The following CD180 variants were observed in gnomAD, a reference collection of about 807,000 sequenced individuals.
The protein encoded by CD180 is CD180 molecule.
Under a neutral mutation model 10.7 loss-of-function variants are expected in CD180, and 11 were observed. The ratio of observed to expected loss-of-function variants is 1.03; its 90% CI spans 0.65 to 1.70. The LOEUF is 1.70. Among genes scored for constraint, CD180 ranks in the 40% most tolerant of loss-of-function variants. The pLI, the probability that CD180 is intolerant of heterozygous loss-of-function variation, is 0.00. For missense variants in CD180, 729 were observed against 775.2 expected (o/e 0.94, Z 0.71); for synonymous variants, 286 against 294.6 (o/e 0.97, Z 0.30).
At chr5:67,189,820 C>T (rs1338402774) in intron 1 of CD180, among the ~76,000 whole-genome samples, 2 of 152,100 alleles carry the variant, frequency 1.3e-5, no homozygotes, top group African/African-American at 2.4e-5. Flanking sequence ...ATTGAGAGTA[C>T]ACTACTGACA....
chr5:67,196,441 C>T, intron 1 of CD180, 111 bp downstream of exon 1: 2 of 992,802 alleles, frequency 2.0e-6, no homozygotes, highest in Non-Finnish European at 3.0e-6. Flanking sequence ...ACCTTATTTC[C>T]TTTTTAAAGA....
chr5:67,185,442 T>A (rs990149674), intron 2 of CD180, among the ~76,000 whole-genome samples: 1 of 152,186 alleles, frequency 6.6e-6, no homozygotes, highest in Non-Finnish European at 1.5e-5. Context: ...AACAAAATAA[T>A]GGAACTCATT....
At chr5:67,192,976 G>A (rs895829488) in intron 1 of CD180, among the ~76,000 whole-genome samples, 10 of 152,180 alleles carry the variant, frequency 6.6e-5, no homozygotes, top group African/African-American at 2.2e-4. Context: ...TGCACCAACC[G>A]ATCAGAACTA....
chr5:67,188,173 A>T (rs201647083), intron 1 of CD180, among the ~76,000 whole-genome samples: 1 of 148,104 alleles, frequency 6.8e-6, no homozygotes, highest in African/African-American at 2.6e-5. Flanking sequence ...TGCCTCAAAA[A>T]GAAAAAAAAA....
rs886697074 is a variant in CD180 at position 67,184,381 on chromosome 5, C to T, written c.462G>A (p.Leu154=). Residue 154 remains leucine, a synonymous_variant, in exon 3 of 3, where the codon TTG becomes TTA. Coordinates refer to ENST00000256447, the MANE Select transcript of CD180 (RefSeq NM_005582.3). ...PVHNLENLES[L]YLGSNHISSI... is the part of the protein sequence containing the mutation. ...AGGAAATATGGTTGCTTCCAAGATA[C>T]AAGCTTTCCAAGTTTTCCAGATTGT... 1 of 1,613,770 alleles carries T rather than the reference C, an allele frequency of 6.2e-7. No individual in the cohort carries two copies. Among genetic ancestry groups the T allele is most frequent in the Admixed American group, 1.7e-5 (1 of 60,022 alleles).
Position 67,183,063 on chromosome 5 carries a change from C to T in CD180, c.1780G>A (p.Glu594Lys). 6.2e-7 allele frequency: 1 copy of T among 1,613,060 alleles called. No homozygotes were observed. The highest frequency in any genetic ancestry group is 8.5e-7 in the Non-Finnish European group (1 of 1,179,486). The change falls in exon 3 of 3, where the codon GAA becomes AAA. Residue 594 changes from glutamate to lysine, a missense_variant. Physicochemically the swap from Glu to Lys is moderately conservative, Grantham distance 56 (BLOSUM62 1). Coordinates refer to ENST00000256447, the MANE Select transcript of CD180 (RefSeq NM_005582.3). ...SNIHFLTWYK[E>K]NLHKLEGSEE... Reference sequence around the variant, plus strand: ...GAGCCTTCAAGTTTGTGCAGGTTTTCTTTGTACCATGTTAAGAAATGAATA... The same window carrying T: ...GAGCCTTCAAGTTTGTGCAGGTTTTTTTTGTACCATGTTAAGAAATGAATA...
chr5:67,183,184 G>A lies in CD180; in HGVS notation c.1659C>T (p.Asn553=), dbSNP rs1319727273. 1.9e-6 allele frequency: 3 copies of A among 1,611,516 alleles called. No individual in the cohort carries two copies. The highest frequency in any genetic ancestry group is 2.5e-6 in the Non-Finnish European group (3 of 1,178,194). The change falls in exon 3 of 3, where the codon AAC becomes AAT. Residue 553 remains asparagine (N), a synonymous_variant. Coordinates refer to ENST00000256447, the MANE Select transcript of CD180 (RefSeq NM_005582.3). ...LKGIYLNLAA[N]SINIISPRLL... The stretch of plus-strand genomic sequence containing the variant: ...GACGGGGTGAGATGATGTTAATGCT[G>A]TTGGCAGCCAGATTGAGGTAGATTC...
chr5:67,192,280 C>G (rs1041211434), intron 1 of CD180, among the ~76,000 whole-genome samples: 5 of 151,938 alleles, frequency 3.3e-5, no homozygotes, highest in Admixed American at 1.3e-4. Context: ...GTCCCAGCTA[C>G]TCGGGAGGCT....
chr5:67,194,443 G>A (rs1304796894), intron 1 of CD180, among the ~76,000 whole-genome samples: 3 of 151,544 alleles, frequency 2.0e-5, no homozygotes, highest in Non-Finnish European at 2.9e-5. Flanking sequence ...CCCATCCTGC[G>A]GCCTCACCCA....
Position 67,180,547 on chromosome 5 carries a change from G to A in CD180, c.*2310C>T, listed in dbSNP as rs1742022663. On this transcript the variant is annotated 3_prime_UTR_variant, in exon 3 of 3. Transcript: ENST00000256447. ...CTCAGTATCTGGGGGTGAGGCCTGG[G>A]AATCCATTTTGTAAAAACTTCCCTA... 6.6e-6 allele frequency: 1 copy of A among 152,128 alleles called. No homozygotes were observed. Among genetic ancestry groups the A allele is most frequent in the South Asian group, 2.1e-4 (1 of 4,816 alleles). The allele number at this position is 152,128 out of a possible 1,614,324, so 9.4% of individuals were successfully genotyped here.
In CD180 at chr5:67,183,513, G is replaced by A. The variant is rs763415618; in HGVS notation, c.1330C>T (p.Leu444Phe). 6.2e-7 allele frequency: 1 copy of A among 1,614,196 alleles called. No homozygotes were observed. The highest frequency in any genetic ancestry group is 1.3e-5 in the African/African-American group (1 of 75,048). ...AGATTCAGAACCTGAAGGAAATGGA[G>A]GTTTTGGAAGGGACTTTGTGGAGCA... is the stretch of plus-strand genomic sequence containing the variant. ...INAPQSPFQN[L>F]HFLQVLNLTY... The change falls in exon 3 of 3, where the codon CTC becomes TTC. Residue 444 changes from leucine (L) to phenylalanine (F), a missense_variant. Leu to Phe is a conservative substitution (Grantham distance 22). Coordinates refer to ENST00000256447, the MANE Select transcript of CD180 (RefSeq NM_005582.3).
Position 67,184,005 on chromosome 5 carries a change from T to A in CD180, c.838A>T (p.Asn280Tyr). The A allele has an allele frequency of 2.5e-6, 4 of 1,614,142 alleles. No individual in the cohort carries two copies. Among genetic ancestry groups the A allele is most frequent in the Non-Finnish European group, 3.4e-6 (4 of 1,180,000 alleles). Residue 280 changes from asparagine (N) to tyrosine (Y), a missense_variant, in exon 3 of 3, where the codon AAC becomes TAC. Transcript: ENST00000256447. ...GLCEMSVESL[N>Y]LQEHRFSDIS... is the part of the protein sequence containing the mutation. ...TCAGAGAAGCGGTGTTCCTGCAGGT[T>A]GAGGCTCTCAACAGACATTTCACAG...
chr5:67,187,471 A>G (rs1005544236), intron 1 of CD180, among the ~76,000 whole-genome samples: 8 of 152,202 alleles, frequency 5.3e-5, no homozygotes, highest in African/African-American at 1.9e-4. Context: ...AGTACAGATA[A>G]CTTCCTCATC....
intron 1 of CD180, among the ~76,000 whole-genome samples, chr5:67,189,563 T>C (rs1742262692): frequency 6.6e-6 from 1 of 152,162 alleles, no homozygotes; most frequent in South Asian, 2.1e-4. Flanking sequence ...ACACAGCTGA[T>C]AAGAGAATTT....
At position 67,186,874 on chromosome 5, in the gene CD180, GAA is replaced by G. The variant is rs72306771; in HGVS notation, c.91-859_91-858del. On this transcript the variant is annotated intron_variant, in intron 1 of 2. Transcript: ENST00000256447. ...TGTGTGTGTGTGTGTGTGTGTGTGT[GAA>G]AGAGAGAGAGAGAGAGAGAGAGAAT... Among the ~76,000 whole-genome samples, 149 of 133,784 alleles carry G rather than the reference GAA, an allele frequency of 1.1e-3. 1 individual carries two copies. Among genetic ancestry groups the G allele is most frequent in the African/African-American group, 3.1e-3 (97 of 31,336 alleles). The allele number at this position is 133,784 out of a possible 152,430, so 87.8% of individuals were successfully genotyped here. A position where few individuals can be genotyped will look rare whatever the true frequency, so the allele number is the denominator to read the frequency against.
At chr5:67,191,371 C>T (rs997045716) in intron 1 of CD180, among the ~76,000 whole-genome samples, 6 of 152,160 alleles carry the variant, frequency 3.9e-5, no homozygotes, top group East Asian at 1.9e-4. Context: ...GAAGAGTTAG[C>T]GTTTAACTGG....
At chr5:67,192,863 C>CT (rs1184458459) in intron 1 of CD180, among the ~76,000 whole-genome samples, 1 of 152,190 alleles carries the variant, frequency 6.6e-6, no homozygotes, top group Non-Finnish European at 1.5e-5. Context: ...CACATGTACT[C>CT]TGAGTTTCTG....
Position 67,184,107 on chromosome 5 carries a change from T to C in CD180, c.736A>G (p.Thr246Ala), listed in dbSNP as rs762464766. ...SVIFNGLQNSTTQSLWLGTFE... is the reference protein window; with the variant it reads ...SVIFNGLQNSATQSLWLGTFE... ...GTTCCCAGCCAGAGAGACTGAGTAG[T>C]AGAGTTCTGCAGACCATTGAATATA... Residue 246 changes from threonine to alanine, a missense_variant, in exon 3 of 3, where the codon ACT becomes GCT. Physicochemically the swap from Thr to Ala is moderately conservative, Grantham distance 58. Coordinates refer to ENST00000256447, the MANE Select transcript of CD180 (RefSeq NM_005582.3). 8.7e-6 allele frequency: 14 copies of C among 1,614,082 alleles called. No homozygotes were observed. The Admixed American group carries it at 2.3e-4, about 27-fold the overall frequency.
chr5:67,182,812 A>T lies in CD180; in HGVS notation c.*45T>A, dbSNP rs747294050. 13 of 1,508,740 alleles carry T rather than the reference A, an allele frequency of 8.6e-6. No individual in the cohort carries two copies. Among genetic ancestry groups the T allele is most frequent in the Non-Finnish European group, 1.2e-5 (13 of 1,121,204 alleles). 93.5% of individuals were successfully genotyped at this position (1,508,740 alleles called of 1,614,324 possible). On this transcript the variant is annotated 3_prime_UTR_variant, in exon 3 of 3. Coordinates refer to ENST00000256447, the MANE Select transcript of CD180 (RefSeq NM_005582.3). ...GATGACAGTTCTTTCACTTAGAGCAATTTTGCTAAGCACACTTATTTGCTT... is the reference window on the plus strand; with the variant it reads ...GATGACAGTTCTTTCACTTAGAGCATTTTTGCTAAGCACACTTATTTGCTT...
Sources: gnomAD v4.1 joint callset for allele counts (sites outside exome capture counted in the v4.1 genomes callset) on GRCh38, gnomAD v4.1.1 for gene constraint, MANE v1.5 for transcripts, NCBI Gene and HGNC (gene_info 2026-07-23, HGNC 2026-07-21) for gene names.